The following PARD3B variants were observed in gnomAD, a reference collection of about 807,000 sequenced individuals.
PARD3B encodes the protein partitioning defective 3 homolog B.
In PARD3B, 103 loss-of-function variants were observed where a neutral mutation model predicts 130.2. The observed-to-expected ratio is 0.79, with a 90% confidence interval of 0.67 to 0.93. The LOEUF (loss-of-function observed/expected upper bound fraction) is 0.93, where lower values mean the gene tolerates loss of function less well. PARD3B is among the 40% of genes least tolerant of loss of function. The pLI is 0.00. For synonymous variants in PARD3B, 583 were observed against 553.2 expected (o/e 1.05, Z -0.76); for missense variants, 1,609 against 1,499.2 (o/e 1.07, Z -1.21).
chr2:205,472,126 A>G lies in PARD3B; in HGVS notation c.3045-27770A>G, dbSNP rs73055955. 4.5e-3 allele frequency among the ~76,000 whole-genome samples: 692 copies of G among 152,340 alleles called. 5 individuals carry two copies. The highest frequency in any genetic ancestry group is 0.016 in the African/African-American group (656 of 41,576). ...CCTGTACTGGTTTTTGAAAAGTGTA[A>G]ATAGTTTAATGCATATTGTTATTCT... On this transcript the variant is annotated intron_variant, in intron 20 of 22. Transcript: ENST00000406610.
intron 1 of PARD3B, among the ~76,000 whole-genome samples, chr2:204,660,481 T>C (rs1304383945): frequency 6.6e-6 from 1 of 152,164 alleles, no homozygotes; most frequent in Non-Finnish European, 1.5e-5. Flanking sequence ...TATGAAAATA[T>C]AAGACATAGA....
chr2:205,572,623 T>C lies in PARD3B; in HGVS notation c.3260+19220T>C, dbSNP rs1041915511. 6.6e-6 allele frequency among the ~76,000 whole-genome samples: 1 copy of C among 152,134 alleles called. No homozygotes were observed. The highest frequency in any genetic ancestry group is 1.5e-5 in the Non-Finnish European group (1 of 68,026). ...AGCCGGGCATAGTGGTGGGCACCTG[T>C]AGTCCCAGTTACTCGGGAGGCTGAG... On this transcript the variant is annotated intron_variant, in intron 22 of 22. Coordinates refer to ENST00000406610, the MANE Select transcript of PARD3B (RefSeq NM_001302769.2). The surrounding 1 kb of genome is among the most constrained non-coding windows in gnomAD (Gnocchi z 4.2).
rs2035501704 is a variant in PARD3B at position 205,176,858 on chromosome 2, T to C, written c.1924+281T>C. On this transcript the variant is annotated intron_variant, in intron 13 of 22. Coordinates refer to ENST00000406610, the MANE Select transcript of PARD3B (RefSeq NM_001302769.2). The surrounding 1 kb of genome is among the most constrained non-coding windows in gnomAD (Gnocchi z 5.3). ...CAAACGATCACTGGAGAATCAAAGATGGCAAACTGTTATTTTTAAGCTCTT... is the reference window on the plus strand; with the variant it reads ...CAAACGATCACTGGAGAATCAAAGACGGCAAACTGTTATTTTTAAGCTCTT... Among the ~76,000 whole-genome samples, 1 of 152,198 alleles carries C rather than the reference T, an allele frequency of 6.6e-6. No homozygotes were observed. Among genetic ancestry groups the C allele is most frequent in the African/African-American group, 2.4e-5 (1 of 41,448 alleles).
intron 2 of PARD3B, among the ~76,000 whole-genome samples, chr2:204,779,695 G>A (rs2041771034): frequency 6.6e-6 from 1 of 152,134 alleles, no homozygotes; most frequent in Non-Finnish European, 1.5e-5. Context: ...CCTCCTTAAG[G>A]AAGCCCAGGG....
intron 1 of PARD3B, among the ~76,000 whole-genome samples, chr2:204,662,447 C>T (rs1172448314): frequency 6.6e-6 from 1 of 152,094 alleles, no homozygotes; most frequent in Non-Finnish European, 1.5e-5. Context: ...TCTGGAAAAC[C>T]ATCATCTGCC....
intron 18 of PARD3B, among the ~76,000 whole-genome samples, chr2:205,348,422 T>A (rs2043874766): frequency 1.3e-5 from 2 of 152,202 alleles, no homozygotes. Context: ...AAGCTCTCAA[T>A]ACCTGAAGTA....
At chr2:204,574,414 C>T (rs142035258) in intron 1 of PARD3B, among the ~76,000 whole-genome samples, 66 of 152,246 alleles carry the variant, frequency 4.3e-4, no homozygotes, top group African/African-American at 1.6e-3. Context: ...GAATGACTTT[C>T]CCCTCCTTTG....
chr2:205,410,870 T>C, intron 19 of PARD3B, among the ~76,000 whole-genome samples: 1 of 152,168 alleles, frequency 6.6e-6, no homozygotes, highest in East Asian at 1.9e-4. Context: ...CTCAATCTAT[T>C]GTCTTCTGGA....
At chr2:205,205,748 T>A in intron 15 of PARD3B, among the ~76,000 whole-genome samples, 1 of 152,226 alleles carries the variant, frequency 6.6e-6, no homozygotes, top group Non-Finnish European at 1.5e-5. Context: ...AGGATTACAT[T>A]AATTGATTTG....
In PARD3B at chr2:205,562,660, C is replaced by T. The variant is rs2053179048; in HGVS notation, c.3260+9257C>T. 6.6e-6 allele frequency among the ~76,000 whole-genome samples: 1 copy of T among 152,218 alleles called. No individual in the cohort carries two copies. Among genetic ancestry groups the T allele is most frequent in the African/African-American group, 2.4e-5 (1 of 41,458 alleles). On this transcript the variant is annotated intron_variant, in intron 22 of 22. Transcript: ENST00000406610. The surrounding 1 kb of genome is among the most constrained non-coding windows in gnomAD (Gnocchi z 5.4). ...AGAAGGTTGTTTTGTGCCTAGGCAT[C>T]TGCTTAGAGTATTGCTCTATATCTC...
At chr2:205,115,844 T>G (rs1483543928) in intron 6 of PARD3B, among the ~76,000 whole-genome samples, 1 of 152,248 alleles carries the variant, frequency 6.6e-6, no homozygotes, top group South Asian at 2.1e-4. Flanking sequence ...TTCCTTCCAT[T>G]TATTGGTTTG....
At chr2:204,640,869 G>A (rs1241232789) in intron 1 of PARD3B, among the ~76,000 whole-genome samples, 2 of 150,460 alleles carry the variant, frequency 1.3e-5, no homozygotes, top group Admixed American at 6.6e-5. Flanking sequence ...CCCTGCCTGT[G>A]GGCAGAGGGG....
chr2:204,929,628 T>G (rs946663661), intron 2 of PARD3B, among the ~76,000 whole-genome samples: 30 of 152,066 alleles, frequency 2.0e-4, no homozygotes, highest in African/African-American at 7.0e-4. Context: ...GAATAATTTT[T>G]TTTTTTGGTT....
At chr2:205,492,806 A>T (rs1000172253) in intron 20 of PARD3B, among the ~76,000 whole-genome samples, 4 of 152,156 alleles carry the variant, frequency 2.6e-5, no homozygotes, top group Admixed American at 2.6e-4. Flanking sequence ...AAGTTCCTTA[A>T]AAAGCAATTA....
intron 4 of PARD3B, among the ~76,000 whole-genome samples, chr2:205,079,578 C>T (rs1170921649): frequency 6.6e-6 from 1 of 152,190 alleles, no homozygotes; most frequent in African/African-American, 2.4e-5. Flanking sequence ...GACCTGATCA[C>T]CTCCCAAAGG....
chr2:205,430,188 T>C (rs760951149), intron 19 of PARD3B, among the ~76,000 whole-genome samples: 12 of 152,218 alleles, frequency 7.9e-5, no homozygotes, highest in Non-Finnish European at 1.6e-4. Context: ...AACTCACTTA[T>C]ATGAAAGGTC....
At chr2:205,168,621 C>T (rs896996316) in intron 11 of PARD3B, among the ~76,000 whole-genome samples, 10 of 150,690 alleles carry the variant, frequency 6.6e-5, no homozygotes, top group African/African-American at 2.4e-4. Flanking sequence ...TGGACATAGA[C>T]GTGCATGTAT....
rs550100305 is a variant in PARD3B at position 204,737,445 on chromosome 2, G to T, written c.222+51163G>T. Among the ~76,000 whole-genome samples, 46 of 152,174 alleles carry T rather than the reference G, an allele frequency of 3.0e-4. 2 individuals carry two copies. The highest frequency in any genetic ancestry group is 1.1e-3 in the African/African-American group (45 of 41,542). On this transcript the variant is annotated intron_variant, in intron 2 of 22. Transcript: ENST00000406610. ...TTTTAATGAGATTATTTGTTTTGCTGATTTGTTTGTGTTCCTTGTAAATTC... is the reference window on the plus strand; with the variant it reads ...TTTTAATGAGATTATTTGTTTTGCTTATTTGTTTGTGTTCCTTGTAAATTC...
intron 16 of PARD3B, among the ~76,000 whole-genome samples, chr2:205,290,260 G>A (rs2041556374): frequency 6.6e-6 from 1 of 152,154 alleles, no homozygotes; most frequent in Admixed American, 6.5e-5. Flanking sequence ...TACATTCTCT[G>A]GTGTTATTAG....
Sources: gnomAD v4.1 joint callset for allele counts (sites outside exome capture counted in the v4.1 genomes callset) on GRCh38, gnomAD v4.1.1 for gene constraint, Gnocchi (gnomAD v3.1) non-coding constraint, MANE v1.5 for transcripts, NCBI Gene and HGNC (gene_info 2026-07-23, HGNC 2026-07-21) for gene names.